Variants in PATJ observed in about 807,000 individuals in gnomAD.
PATJ encodes inaD-like protein.
Under a neutral mutation model 224.9 loss-of-function variants are expected in PATJ, and 190 were observed. The ratio of observed to expected loss-of-function variants is 0.84; its 90% confidence interval spans 0.75 to 0.95. PATJ has a LOEUF of 0.95. Ranked by LOEUF, PATJ falls within the 40% of genes least tolerant of loss-of-function variation. The probability of loss-of-function intolerance (pLI) is 0.00; values close to 1 mark genes in which losing one functional copy is unlikely to be tolerated. For missense variants in PATJ, 2,121 were observed against 2,270.3 expected, an observed-to-expected ratio of 0.93 and a Z score of 1.34; for synonymous variants, 769 against 820.3, an observed-to-expected ratio of 0.94 and a Z score of 1.07.
chr1:61,775,603 C>G (rs1201413488), intron 7 of PATJ, among the ~76,000 whole-genome samples: 1 of 152,090 alleles, frequency 6.6e-6, no homozygotes, highest in Non-Finnish European at 1.5e-5. Flanking sequence ...TATTGAAAAG[C>G]ATTGTTAATG....
At chr1:61,925,431 C>T (rs550198273) in intron 26 of PATJ, among the ~76,000 whole-genome samples, 3 of 152,212 alleles carry the variant, frequency 2.0e-5, no homozygotes, top group East Asian at 3.9e-4. Flanking sequence ...CTACTATCAG[C>T]GAGGAATTAC....
At chr1:61,806,903 G>C (rs556562669) in intron 13 of PATJ, among the ~76,000 whole-genome samples, 3 of 152,214 alleles carry the variant, frequency 2.0e-5, no homozygotes, top group Non-Finnish European at 4.4e-5. Flanking sequence ...TGTAATCCCA[G>C]CACTCTGGGA....
intron 22 of PATJ, among the ~76,000 whole-genome samples, chr1:61,894,570 G>A (rs1297530435): frequency 6.6e-6 from 1 of 152,174 alleles, no homozygotes; most frequent in Admixed American, 6.5e-5. Context: ...CATGTAAGAT[G>A]TGCCTTGCTT....
intron 22 of PATJ, among the ~76,000 whole-genome samples, chr1:61,896,187 C>T (rs979472629): frequency 5.3e-5 from 8 of 151,654 alleles, no homozygotes; most frequent in Non-Finnish European, 8.8e-5. Context: ...ATCCCAGCTA[C>T]GTGGGAGGCC....
At chr1:61,940,099 A>G (rs1677573779) in intron 27 of PATJ, among the ~76,000 whole-genome samples, 1 of 152,104 alleles carries the variant, frequency 6.6e-6, no homozygotes. Context: ...TTTTTTACTA[A>G]TAGCAATTGT....
intron 29 of PATJ, among the ~76,000 whole-genome samples, chr1:62,035,976 G>A (rs945666583): frequency 2.8e-4 from 42 of 152,014 alleles, no homozygotes; most frequent in African/African-American, 8.2e-4. Context: ...CCTGAGGCGG[G>A]TAGATCTCAG....
intron 18 of PATJ, among the ~76,000 whole-genome samples, chr1:61,858,242 G>T (rs775114759): frequency 1.3e-5 from 2 of 152,016 alleles, no homozygotes; most frequent in African/African-American, 2.4e-5. Context: ...TTGGAGTGGG[G>T]TGGGGGATGC....
At chr1:62,143,759 T>C (rs2149007444) in intron 41 of PATJ, among the ~76,000 whole-genome samples, 1 of 152,258 alleles carries the variant, frequency 6.6e-6, no homozygotes, top group East Asian at 1.9e-4. Flanking sequence ...TAAGCTGGGA[T>C]TGTGAGCACG....
At chr1:62,026,861 GTA>G in intron 29 of PATJ, among the ~76,000 whole-genome samples, 1 of 152,264 alleles carries the variant, frequency 6.6e-6, no homozygotes, top group Non-Finnish European at 1.5e-5. Flanking sequence ...TACTTGTGGA[GTA>G]TATATCCAAA....
At chr1:62,107,068 G>T (rs1393922367) in intron 33 of PATJ, among the ~76,000 whole-genome samples, 2 of 151,956 alleles carry the variant, frequency 1.3e-5, no homozygotes, top group Non-Finnish European at 2.9e-5. Context: ...AGCACTCTGG[G>T]AGGTGAGGCG....
chr1:62,039,368 T>C (rs762236538), intron 30 of PATJ, among the ~76,000 whole-genome samples: 3 of 152,148 alleles, frequency 2.0e-5, no homozygotes, highest in Admixed American at 2.0e-4. Context: ...CCAATAAATC[T>C]GTTTGGAGGA....
At chr1:61,971,507 A>T (rs1171344396) in intron 27 of PATJ, among the ~76,000 whole-genome samples, 1 of 152,026 alleles carries the variant, frequency 6.6e-6, no homozygotes, top group Non-Finnish European at 1.5e-5. Context: ...CCAGCTACTC[A>T]GGAGGCTGAG....
At chr1:62,090,865 C>T (rs146595598) in intron 33 of PATJ, among the ~76,000 whole-genome samples, 4 of 152,232 alleles carry the variant, frequency 2.6e-5, no homozygotes, top group East Asian at 1.9e-4. Flanking sequence ...GATGTATACT[C>T]GTTGATTAGA....
At chr1:61,777,472 T>C (rs525526) in intron 7 of PATJ, among the ~76,000 whole-genome samples, 9,913 of 151,910 alleles carry the variant, frequency 0.065, 359 homozygotes, top group Non-Finnish European at 0.078. Context: ...GAGGCTGCTT[T>C]GAGCCGAGAT....
At chr1:61,980,572 A>C (rs1644400095) in intron 27 of PATJ, among the ~76,000 whole-genome samples, 1 of 152,000 alleles carries the variant, frequency 6.6e-6, no homozygotes, top group South Asian at 2.1e-4. Flanking sequence ...CAAGTAAAAG[A>C]ATACTCTTTA....
chr1:61,766,792 T>C (rs1027605405), intron 4 of PATJ, among the ~76,000 whole-genome samples: 2 of 152,164 alleles, frequency 1.3e-5, no homozygotes, highest in African/African-American at 2.4e-5. Context: ...ATCTCTATTC[T>C]TGTTAAAATA....
At chr1:62,112,366 C>T (rs150606154) in intron 34 of PATJ, among the ~76,000 whole-genome samples, 2,069 of 152,148 alleles carry the variant, frequency 0.014, 20 homozygotes, top group Middle Eastern at 0.031. Flanking sequence ...ATTAGCCAGG[C>T]GTGGTGGCTG....
intron 14 of PATJ, among the ~76,000 whole-genome samples, chr1:61,817,811 C>T (rs1656456405): frequency 6.6e-6 from 1 of 152,128 alleles, no homozygotes; most frequent in African/African-American, 2.4e-5. Flanking sequence ...TACTTTAAAA[C>T]TTGTAGCCTC....
At chr1:62,123,136 G>C in intron 39 of PATJ, 78 bp downstream of exon 39, 5 of 987,974 alleles carry the variant, frequency 5.1e-6, no homozygotes, top group Non-Finnish European at 7.9e-6. Context: ...CCCCAATACA[G>C]TTTATTGGAT....
Sources: allele counts gnomAD v4.1 joint callset (sites outside exome capture counted in the v4.1 genomes callset), GRCh38; gene constraint gnomAD v4.1.1; transcripts MANE v1.5; gene names NCBI Gene and HGNC (gene_info 2026-07-23, HGNC 2026-07-21).